The following LRP11 variants were observed in gnomAD, a reference collection of about 807,000 sequenced individuals.
LRP11 encodes LDL receptor related protein 11, also known as low-density lipoprotein receptor-related protein 11.
In LRP11, 25 loss-of-function variants were observed where a neutral mutation model predicts 43.1. The ratio of observed to expected loss-of-function variants is 0.58; its 90% CI spans 0.42 to 0.81. The LOEUF (loss-of-function observed/expected upper bound fraction) is 0.81, where lower values mean the gene tolerates loss of function less well. Ranked by LOEUF, LRP11 falls within the 30% of genes least tolerant of loss-of-function variation. LRP11 has a pLI of 0.00. For synonymous variants in LRP11, 316 were observed against 299.4 expected, an observed-to-expected ratio of 1.06 and a Z score of -0.57; for missense variants, 623 against 665.1, an observed-to-expected ratio of 0.94 and a Z score of 0.70.
At chr6:149,837,211 A>T in intron 4 of LRP11, 127 bp downstream of exon 4, 1 of 1,005,788 alleles carries the variant, frequency 9.9e-7, no homozygotes. Context: ...CATAGCTTTT[A>T]CATGTAAAGT....
intron 1 of LRP11, among the ~76,000 whole-genome samples, chr6:149,856,373 C>G (rs1305510393): frequency 6.6e-6 from 1 of 152,122 alleles, no homozygotes; most frequent in Non-Finnish European, 1.5e-5. Context: ...CTAAACTGAT[C>G]ACTGATGTGT....
chr6:149,847,268 C>A lies in LRP11; in HGVS notation c.772-4144G>T, dbSNP rs185599052. Among the ~76,000 whole-genome samples, 333 of 152,316 alleles carry A rather than the reference C, an allele frequency of 2.2e-3. 4 individuals are homozygous for A. In the South Asian group the frequency reaches 0.028, roughly 13 times the overall value. On this transcript the variant is annotated intron_variant, in intron 2 of 6. Coordinates refer to ENST00000239367, the MANE Select transcript of LRP11 (RefSeq NM_032832.6). ...CCTCACACCTGGCCTTGGCATGCTT[C>A]CCCCCTGCCTGCCCAGGCACTGCCT... is the stretch of plus-strand genomic sequence containing the variant.
chr6:149,864,320 C>T lies in LRP11; in HGVS notation c.-300G>A. ...TGCGGCGCGCTGGGTGGCGACGAGT[C>T]GGCCTCGGCGTTGATCAGCACCAGG... On this transcript the variant is annotated 5_prime_UTR_variant, in exon 1 of 7. Transcript: ENST00000239367. 9.8e-7 allele frequency: 1 copy of T among 1,023,584 alleles called. No individual in the cohort carries two copies. The allele number at this position is 1,023,584 out of a possible 1,614,324, so 63.4% of individuals were successfully genotyped here. A position where few individuals can be genotyped will look rare whatever the true frequency, so the allele number is the denominator to read the frequency against.
At chr6:149,842,809 C>T in intron 3 of LRP11, 174 bp downstream of exon 3, 4 of 1,211,980 alleles carry the variant, frequency 3.3e-6, no homozygotes, top group Non-Finnish European at 4.6e-6. Context: ...CGGCTAAGCC[C>T]AAAACAGAAG....
chr6:149,822,780 G>A (rs1420942690), intron 6 of LRP11, among the ~76,000 whole-genome samples: 1 of 152,222 alleles, frequency 6.6e-6, no homozygotes, highest in East Asian at 1.9e-4. Context: ...TACCTGGTCT[G>A]TAGGATTTTT....
intron 1 of LRP11, among the ~76,000 whole-genome samples, chr6:149,856,989 G>A (rs970009914): frequency 6.6e-6 from 1 of 152,142 alleles, no homozygotes; most frequent in Non-Finnish European, 1.5e-5. Flanking sequence ...ACCCCAATAT[G>A]ATTATTGTGA....
chr6:149,856,408 C>T (rs961367194), intron 1 of LRP11, among the ~76,000 whole-genome samples: 2 of 152,114 alleles, frequency 1.3e-5, no homozygotes, highest in African/African-American at 4.8e-5. Context: ...ATAATGTTTC[C>T]TTTTCAGTTC....
intron 5 of LRP11, among the ~76,000 whole-genome samples, chr6:149,832,769 C>T (rs536720405): frequency 1.9e-4 from 29 of 151,576 alleles, no homozygotes; most frequent in East Asian, 1.4e-3. Flanking sequence ...TACAGGTGCC[C>T]GCCACCATGC....
intron 1 of LRP11, among the ~76,000 whole-genome samples, chr6:149,855,087 C>T (rs1312370047): frequency 5.9e-5 from 9 of 152,334 alleles, no homozygotes; most frequent in Non-Finnish European, 1.3e-4. Context: ...CAATGCCCAG[C>T]ACCAGGGTGT....
rs1777002893 is a variant in LRP11, at chr6:149,864,268, A to G, written c.-248T>C. ...TCCTTGCCCTCGCCGGAGACTGCCC[A>G]GCGCCCTGCGCCTCTCCGCCCCGGC... is the stretch of plus-strand genomic sequence containing the variant. On this transcript the variant is annotated 5_prime_UTR_variant, in exon 1 of 7. Coordinates refer to ENST00000239367, the MANE Select transcript of LRP11 (RefSeq NM_032832.6). The G allele has an allele frequency of 1.9e-6, 2 of 1,066,978 alleles. No individual in the cohort carries two copies. The highest frequency in any genetic ancestry group is 2.3e-6 in the Non-Finnish European group (2 of 884,366). 66.1% of individuals were successfully genotyped at this position (1,066,978 alleles called of 1,614,324 possible).
intron 5 of LRP11, among the ~76,000 whole-genome samples, chr6:149,832,561 T>C (rs1334968101): frequency 6.6e-6 from 1 of 152,124 alleles, no homozygotes; most frequent in African/African-American, 2.4e-5. Context: ...TCATTCATAT[T>C]TATTGTACTA....
At chr6:149,831,660 G>C (rs956911670) in intron 5 of LRP11, among the ~76,000 whole-genome samples, 1 of 152,106 alleles carries the variant, frequency 6.6e-6, no homozygotes, top group Non-Finnish European at 1.5e-5. Context: ...GGGACAATTG[G>C]GTCAAAGCAC....
At chr6:149,833,410 TC>T in intron 5 of LRP11, among the ~76,000 whole-genome samples, 1 of 152,340 alleles carries the variant, frequency 6.6e-6, no homozygotes, top group African/African-American at 2.4e-5. Flanking sequence ...TTTGTTTTTT[TC>T]TTCCCACTTT....
chr6:149,863,856 C>G lies in LRP11; in HGVS notation c.165G>C (p.Val55=). The change falls in exon 1 of 7, where the codon GTG becomes GTC. Residue 55 remains valine, a synonymous_variant. Coordinates refer to ENST00000239367, the MANE Select transcript of LRP11 (RefSeq NM_032832.6). ...LSELHAQLSG[V]EQLLEEFRRQ... ...GGCGGAACTCCTCCAGCAGCTGCTC[C>G]ACGCCCGACAGCTGCGCGTGCAGTT... is the stretch of plus-strand genomic sequence containing the variant. 4 of 1,511,500 alleles carry G rather than the reference C, an allele frequency of 2.6e-6. No individual in the cohort carries two copies. The highest frequency in any genetic ancestry group is 2.6e-6 in the Non-Finnish European group (3 of 1,139,264). 93.6% of individuals were successfully genotyped at this position (1,511,500 alleles called of 1,614,324 possible).
intron 5 of LRP11, among the ~76,000 whole-genome samples, chr6:149,833,835 C>T (rs1245930416): frequency 1.3e-5 from 2 of 152,116 alleles, no homozygotes; most frequent in Admixed American, 6.5e-5. Flanking sequence ...TCCCATCAGC[C>T]GCAGGTGGCA....
chr6:149,851,056 T>G (rs1270373366), intron 2 of LRP11, among the ~76,000 whole-genome samples: 1 of 152,188 alleles, frequency 6.6e-6, no homozygotes, highest in African/African-American at 2.4e-5. Flanking sequence ...TGTATATCAT[T>G]CTAAGACAGT....
rs550158147 is a variant in LRP11 at position 149,839,423 on chromosome 6, C to T, written c.914-1960G>A. Among the ~76,000 whole-genome samples, 10 of 152,194 alleles carry T rather than the reference C, an allele frequency of 6.6e-5. No individual in the cohort carries two copies. The South Asian group carries it at 1.5e-3, about 22-fold the overall frequency. ...CCGGCCACTGGGAAGAAGCAGGGAGCGGAGGTGGGGGACACGCTGGATATC... is the reference window on the plus strand; with the variant it reads ...CCGGCCACTGGGAAGAAGCAGGGAGTGGAGGTGGGGGACACGCTGGATATC... On this transcript the variant is annotated intron_variant, in intron 3 of 6. Transcript: ENST00000239367.
At position 149,837,410 on chromosome 6, in the gene LRP11, T is replaced by G; in HGVS notation, c.967A>C (p.Ile323Leu). Residue 323 changes from isoleucine (I) to leucine (L), a missense_variant, in exon 4 of 7, where the codon ATT becomes CTT. Ile to Leu is a conservative substitution (Grantham distance 5, BLOSUM62 2). Coordinates refer to ENST00000239367, the MANE Select transcript of LRP11 (RefSeq NM_032832.6). ...CCATCGCAGGCGAGCGTGATGTCAA[T>G]GCAGCAGCCATCGTCACAGAAGAAG... is the stretch of plus-strand genomic sequence containing the variant. ...YHFFCDDGCC[I>L]DITLACDGVQ... is the part of the protein sequence containing the mutation. The G allele has an allele frequency of 6.2e-7, 1 of 1,614,154 alleles. No individual in the cohort carries two copies. Among genetic ancestry groups the G allele is most frequent in the Non-Finnish European group, 8.5e-7 (1 of 1,180,022 alleles).
At chr6:149,854,391 G>A (rs1446610279) in intron 1 of LRP11, among the ~76,000 whole-genome samples, 1 of 152,130 alleles carries the variant, frequency 6.6e-6, no homozygotes, top group Non-Finnish European at 1.5e-5. Context: ...ACAAGTGTGA[G>A]CCACTGCACC....
Sources: allele counts gnomAD v4.1 joint callset (sites outside exome capture counted in the v4.1 genomes callset), GRCh38; gene constraint gnomAD v4.1.1; transcripts MANE v1.5; gene names NCBI Gene and HGNC (gene_info 2026-07-23, HGNC 2026-07-21).